IL10RA: variants seen among roughly 807,000 people sequenced by gnomAD.
IL10RA encodes the protein interleukin-10 receptor subunit alpha.
A neutral mutation model predicts 29.6 loss-of-function variants in IL10RA; 18 were observed. The observed-to-expected ratio is 0.61, with a 90% CI of 0.42 to 0.90. The LOEUF (loss-of-function observed/expected upper bound fraction) is 0.90, where lower values mean the gene tolerates loss of function less well. Ranked by LOEUF, IL10RA falls within the 40% of genes least tolerant of loss-of-function variation. IL10RA has a pLI of 0.00. For missense variants in IL10RA, 634 were observed against 716.6 expected, an observed-to-expected ratio of 0.88 and a Z score of 1.32; for synonymous variants, 292 against 294.1, an observed-to-expected ratio of 0.99 and a Z score of 0.07.
intron 1 of IL10RA, chr11:117,986,842 TTAGGTTCAAA>T (rs1332314972): frequency 6.8e-7 from 1 of 1,466,624 alleles, no homozygotes; most frequent in African/African-American, 1.4e-5. Flanking sequence ...TTTTTGCTGT[TTAGGTTCAAA>T]TGATGGGACT....
intron 2 of IL10RA, among the ~76,000 whole-genome samples, chr11:117,988,868 C>A (rs191466153): frequency 6.6e-6 from 1 of 152,216 alleles, no homozygotes. Flanking sequence ...TCAAGCAATT[C>A]TCCCATCTCA....
At chr11:117,988,122 T>C in intron 1 of IL10RA, 1 of 532,246 alleles carries the variant, frequency 1.9e-6, no homozygotes, top group Non-Finnish European at 3.4e-6. Context: ...TCTTCCCTGG[T>C]AGGCATCAGA....
At chr11:117,990,097 C>T (rs1389857305) in intron 3 of IL10RA, among the ~76,000 whole-genome samples, 3 of 152,168 alleles carry the variant, frequency 2.0e-5, no homozygotes, top group Non-Finnish European at 4.4e-5. Flanking sequence ...AAAGGATAAG[C>T]CCCCAACTCA....
intron 6 of IL10RA, among the ~76,000 whole-genome samples, chr11:117,996,970 G>A (rs1338373379): frequency 6.6e-6 from 1 of 152,198 alleles, no homozygotes; most frequent in African/African-American, 2.4e-5. Context: ...TTCATCTGAT[G>A]ATCGTAGTCA....
At chr11:117,993,933 C>G (rs1019210216) in intron 4 of IL10RA, 66 bp from the exon 5 acceptor site, 2 of 1,445,930 alleles carry the variant, frequency 1.4e-6, no homozygotes. Flanking sequence ...AAAGGCCCAC[C>G]AGCTCTCAGT....
At chr11:117,987,987 GA>G in intron 1 of IL10RA, 1 of 311,726 alleles carries the variant, frequency 3.2e-6, no homozygotes, top group Non-Finnish European at 6.3e-6. Context: ...CCAGGGTGGG[GA>G]TCAGGTGTGT....
At chr11:117,988,319 A>G (rs1436969276) in intron 1 of IL10RA, 63 bp from the exon 2 acceptor site, 2 of 1,607,378 alleles carry the variant, frequency 1.2e-6, no homozygotes, top group South Asian at 2.2e-5. Flanking sequence ...CTTCTTTGGT[A>G]AAATTGGGGT....
rs2058074465 is a variant in IL10RA at position 117,998,999 on chromosome 11, C to T, written c.1095C>T (p.Ser365=). The T allele has an allele frequency of 6.2e-7, 1 of 1,613,532 alleles. No homozygotes were observed. ...VLGDSCSSGS[S]NSTDSGICLQ... ...GGGACAGCTGCAGTAGTGGCAGCAGCAATAGCACAGACAGCGGGATCTGCC... is the reference window on the plus strand; with the variant it reads ...GGGACAGCTGCAGTAGTGGCAGCAGTAATAGCACAGACAGCGGGATCTGCC... The change falls in exon 7 of 7, where the codon AGC becomes AGT. Residue 365 remains serine, a synonymous_variant. Coordinates refer to ENST00000227752, the MANE Select transcript of IL10RA (RefSeq NM_001558.4).
intron 1 of IL10RA, 76 bp downstream of exon 1, chr11:117,986,610 A>C: frequency 2.6e-6 from 4 of 1,544,908 alleles, no homozygotes; most frequent in Non-Finnish European, 3.5e-6. Context: ...CATCCAGTGG[A>C]GAGCCCTGGC....
Position 117,991,827 on chromosome 11 carries a change from C to T in IL10RA, c.368-1414C>T, listed in dbSNP as rs202040654. Among the ~76,000 whole-genome samples the T allele has an allele frequency of 6.6e-5, 10 of 152,270 alleles. 1 individual carries two copies. The East Asian group carries it at 1.3e-3, about 21-fold the overall frequency. On this transcript the variant is annotated intron_variant, in intron 3 of 6. Coordinates refer to ENST00000227752, the MANE Select transcript of IL10RA (RefSeq NM_001558.4). ...TCATCTCACTTCAACCTCCGCCTCC[C>T]GAGTTCAAGAGATTCTCTTGCTTCA...
At chr11:117,995,836 G>A in intron 6 of IL10RA, 126 bp downstream of exon 6, 7 of 988,906 alleles carry the variant, frequency 7.1e-6, no homozygotes, top group Admixed American at 2.0e-5. Context: ...CAGCCCTGAT[G>A]TGATTGGGAG....
intron 5 of IL10RA, 95 bp from the exon 6 acceptor site, chr11:117,995,494 C>A (rs1159612281): frequency 2.0e-6 from 3 of 1,528,276 alleles, no homozygotes; most frequent in East Asian, 2.3e-5. Flanking sequence ...TGGTTCCTGA[C>A]AGTGGGCAAT....
Position 117,994,127 on chromosome 11 carries a change from G to T in IL10RA, c.666G>T (p.Glu222Asp). Reference protein sequence around the residue: ...RSNKGMWSKEECISLTRQYFT... With the variant: ...RSNKGMWSKEDCISLTRQYFT... The stretch of plus-strand genomic sequence containing the variant: ...ACAAGGGGATGTGGTCTAAAGAGGA[G>T]TGCATCTCCCTCACCAGGCAGTGTG... Residue 222 changes from glutamate to aspartate, a missense_variant, in exon 5 of 7, where the codon GAG becomes GAT. By Grantham distance (45) the Glu-to-Asp change is conservative (BLOSUM62 2). Transcript: ENST00000227752. The T allele has an allele frequency of 6.2e-7, 1 of 1,614,148 alleles. No individual in the cohort carries two copies. Among genetic ancestry groups the T allele is most frequent in the Non-Finnish European group, 8.5e-7 (1 of 1,180,008 alleles).
chr11:117,997,259 G>A (rs1423534512), intron 6 of IL10RA, among the ~76,000 whole-genome samples: 4 of 152,088 alleles, frequency 2.6e-5, no homozygotes, highest in African/African-American at 2.4e-5. Context: ...GGAGGGTAAA[G>A]TTCAATTCAA....
intron 3 of IL10RA, among the ~76,000 whole-genome samples, chr11:117,990,138 G>T (rs1196909491): frequency 6.6e-6 from 1 of 152,202 alleles, no homozygotes; most frequent in Non-Finnish European, 1.5e-5. Flanking sequence ...AGTTGGGATT[G>T]AGAAAGTTTT....
chr11:117,999,961 T>G lies in IL10RA; in HGVS notation c.*320T>G. 1 of 516,922 alleles carries G rather than the reference T, an allele frequency of 1.9e-6. No homozygotes were observed. The highest frequency in any genetic ancestry group is 2.3e-5 in the Admixed American group (1 of 44,328). 32.0% of individuals were successfully genotyped at this position (516,922 alleles called of 1,614,324 possible). A position where few individuals can be genotyped will look rare whatever the true frequency, so the allele number is the denominator to read the frequency against. On this transcript the variant is annotated 3_prime_UTR_variant, in exon 7 of 7. Transcript: ENST00000227752. Reference sequence around the variant, plus strand: ...TCTTTCCTGTATCATAAAGGATTATTTGCTCAGGGGAACCATGGGGCTTTC... The same window carrying G: ...TCTTTCCTGTATCATAAAGGATTATGTGCTCAGGGGAACCATGGGGCTTTC...
At chr11:117,988,658 C>T (rs2058003750) in intron 2 of IL10RA, among the ~76,000 whole-genome samples, 156 bp downstream of exon 2, 1 of 152,212 alleles carries the variant, frequency 6.6e-6, no homozygotes, top group Non-Finnish European at 1.5e-5. Context: ...CTGAGACTCC[C>T]TTGCTGAGCA....
At position 117,988,494 on chromosome 11, in the gene IL10RA, G is replaced by T; in HGVS notation, c.180G>T (p.Ala60=). The T allele has an allele frequency of 6.2e-7, 1 of 1,613,832 alleles. No individual in the cohort carries two copies. Among genetic ancestry groups the T allele is most frequent in the Non-Finnish European group, 8.5e-7 (1 of 1,179,886 alleles). The change falls in exon 2 of 7, where the codon GCG becomes GCT. Residue 60 remains alanine, a synonymous_variant. Transcript: ENST00000227752. ...CTGAAAGTACCTGCTATGAAGTGGC[G>T]CTCCTGAGGTGAGGAAAAGGGAAGA... is the stretch of plus-strand genomic sequence containing the variant. ...NQSESTCYEV[A]LLRYGIESWN...
At position 117,989,517 on chromosome 11, in the gene IL10RA, G is replaced by T; in HGVS notation, c.264G>T (p.Leu88Phe). ...CCTATGACCTTACCGCAGTGACCTTGGACCTGTACCACAGCAATGGCTACC... is the reference window on the plus strand; with the variant it reads ...CCTATGACCTTACCGCAGTGACCTTTGACCTGTACCACAGCAATGGCTACC... ...TLSYDLTAVT[L>F]DLYHSNGYRA... Residue 88 changes from leucine (L) to phenylalanine (F), a missense_variant, in exon 3 of 7, where the codon TTG (leucine) becomes TTT (phenylalanine). Coordinates refer to ENST00000227752, the MANE Select transcript of IL10RA (RefSeq NM_001558.4). The surrounding 1 kb of genome is among the most constrained non-coding windows in gnomAD (Gnocchi z 4.5). The T allele has an allele frequency of 6.2e-7, 1 of 1,614,182 alleles. No homozygotes were observed. The highest frequency in any genetic ancestry group is 8.5e-7 in the Non-Finnish European group (1 of 1,180,034).
Sources: gnomAD v4.1 joint callset for allele counts (sites outside exome capture counted in the v4.1 genomes callset) on GRCh38, gnomAD v4.1.1 for gene constraint, Gnocchi (gnomAD v3.1) non-coding constraint, MANE v1.5 for transcripts, NCBI Gene and HGNC (gene_info 2026-07-23, HGNC 2026-07-21) for gene names.